Variants in ABCC4 observed in about 807,000 individuals in gnomAD.
ABCC4 encodes the protein ATP-binding cassette sub-family C member 4.
Under a neutral mutation model 168.5 loss-of-function variants are expected in ABCC4, and 102 were observed. That is an observed-to-expected ratio of 0.61 (90% confidence interval 0.52 to 0.71). The LOEUF is 0.71. Ranked by LOEUF, ABCC4 falls within the 30% of genes least tolerant of loss-of-function variation. The probability of loss-of-function intolerance (pLI) is 0.00; values close to 1 mark genes in which losing one functional copy is unlikely to be tolerated. For missense variants in ABCC4, 1,402 were observed against 1,605.8 expected, an observed-to-expected ratio of 0.87 and a Z score of 2.17; for synonymous variants, 617 against 590.7, an observed-to-expected ratio of 1.04 and a Z score of -0.65.
chr13:95,212,280 G>A (rs188595317), intron 4 of ABCC4, among the ~76,000 whole-genome samples: 2 of 150,766 alleles, frequency 1.3e-5, no homozygotes, highest in South Asian at 2.1e-4. Context: ...GGGAAGGAGA[G>A]AGACCAGCCC....
Position 95,118,110 on chromosome 13 carries a change from T to C in ABCC4, c.2456-2109A>G, listed in dbSNP as rs147385814. 9.7e-3 allele frequency among the ~76,000 whole-genome samples: 1,471 copies of C among 152,242 alleles called. 18 individuals carry two copies. Among genetic ancestry groups the C allele is most frequent in the African/African-American group, 0.033 (1,389 of 41,538 alleles). ...CACACAGCTACGCCAATAACTGAAC[T>C]GAATGTCAAAGATCAGCTGAAATCA... On this transcript the variant is annotated intron_variant, in intron 19 of 30. Transcript: ENST00000645237.
intron 20 of ABCC4, among the ~76,000 whole-genome samples, chr13:95,084,690 G>A (rs1390116933): frequency 6.6e-6 from 1 of 152,002 alleles, no homozygotes; most frequent in African/African-American, 2.4e-5. Context: ...CCACGATTAG[G>A]AGAGTATTTC....
intron 20 of ABCC4, among the ~76,000 whole-genome samples, chr13:95,087,380 G>A (rs1054850012): frequency 1.3e-5 from 2 of 152,114 alleles, no homozygotes; most frequent in South Asian, 4.1e-4. Context: ...TTAGCTGGGC[G>A]TGGTGGTGCA....
chr13:95,029,216 A>ATC (rs2031734697), intron 30 of ABCC4, among the ~76,000 whole-genome samples: 1 of 4,602 alleles, frequency 2.2e-4, no homozygotes, highest in African/African-American at 4.8e-4. Context: ...ATATATATAG[A>ATC]GAGAGAGAGA....
chr13:95,043,652 C>CA lies in ABCC4; in HGVS notation c.3735+29dup, dbSNP rs1430171800. 5.9e-6 allele frequency: 9 copies of CA among 1,537,870 alleles called. No homozygotes were observed. The East Asian group carries it at 2.0e-4, about 35-fold the overall frequency. Reference sequence around the variant, plus strand: ...CTGAAAAAGTGAACATAATTGGGAGCAACAGGAATTCCGCAGGTGAAGGAC... The same window carrying CA: ...CTGAAAAAGTGAACATAATTGGGAGCAAACAGGAATTCCGCAGGTGAAGGAC... On this transcript the variant is annotated intron_variant, in intron 29 of 30. Coordinates refer to ENST00000645237, the MANE Select transcript of ABCC4 (RefSeq NM_005845.5).
intron 4 of ABCC4, among the ~76,000 whole-genome samples, chr13:95,232,539 T>C (rs2039652471): frequency 6.6e-6 from 1 of 151,896 alleles, no homozygotes; most frequent in Admixed American, 6.6e-5. Context: ...TAGCTGGGTG[T>C]GGTGGCCCAT....
intron 29 of ABCC4, among the ~76,000 whole-genome samples, chr13:95,037,329 C>A (rs762877789): frequency 1.3e-5 from 2 of 152,156 alleles, no homozygotes; most frequent in Non-Finnish European, 2.9e-5. Context: ...TCTGCTTTTA[C>A]AGTCATCCCA....
At chr13:95,125,853 T>C (rs1023362204) in intron 19 of ABCC4, among the ~76,000 whole-genome samples, 1 of 152,292 alleles carries the variant, frequency 6.6e-6, no homozygotes, top group Admixed American at 6.5e-5. Context: ...CCTTTACCCA[T>C]GGATCTCAAG....
intron 19 of ABCC4, among the ~76,000 whole-genome samples, chr13:95,159,472 A>G (rs997819219): frequency 2.6e-5 from 4 of 151,780 alleles, no homozygotes; most frequent in African/African-American, 9.7e-5. Context: ...TCCAAGATTT[A>G]GACTGGGTCC....
At chr13:95,231,159 A>G (rs1253107661) in intron 4 of ABCC4, among the ~76,000 whole-genome samples, 1 of 152,216 alleles carries the variant, frequency 6.6e-6, no homozygotes, top group Non-Finnish European at 1.5e-5. Context: ...ATGGGTACAG[A>G]GTTTCCACCT....
At chr13:95,087,434 G>A (rs1203751236) in intron 20 of ABCC4, among the ~76,000 whole-genome samples, 1 of 152,086 alleles carries the variant, frequency 6.6e-6, no homozygotes, top group Admixed American at 6.5e-5. Flanking sequence ...CTTGCAGTGA[G>A]CCGAGATCAT....
At chr13:95,208,517 C>A (rs2038850493) in intron 6 of ABCC4, among the ~76,000 whole-genome samples, 1 of 151,766 alleles carries the variant, frequency 6.6e-6, no homozygotes, top group South Asian at 2.1e-4. Flanking sequence ...CAGCTGACAA[C>A]CTTGACAATG....
At chr13:95,040,863 G>A (rs557585123) in intron 29 of ABCC4, among the ~76,000 whole-genome samples, 3 of 152,164 alleles carry the variant, frequency 2.0e-5, no homozygotes, top group Non-Finnish European at 2.9e-5. Context: ...AAAGAAAAGA[G>A]CTACAATCTG....
At chr13:95,173,678 T>C (rs1193461693) in intron 13 of ABCC4, among the ~76,000 whole-genome samples, 1 of 152,100 alleles carries the variant, frequency 6.6e-6, no homozygotes, top group African/African-American at 2.4e-5. Context: ...AGCTTAAAAG[T>C]AGGGGAGTCC....
chr13:95,233,319 T>TAA (rs200364087), intron 4 of ABCC4, among the ~76,000 whole-genome samples: 128,229 of 146,850 alleles, frequency 0.87, 57,507 homozygotes, highest in South Asian at 0.98. Flanking sequence ...AGTGCACCCA[T>TAA]AAAAAAAAAA....
In ABCC4 at chr13:95,029,928, C is replaced by T. The variant is rs538592915; in HGVS notation, c.3870+4677G>A. Among the ~76,000 whole-genome samples the T allele has an allele frequency of 9.2e-5, 14 of 152,252 alleles. No individual in the cohort carries two copies. The South Asian group carries it at 2.9e-3, about 32-fold the overall frequency. On this transcript the variant is annotated intron_variant, in intron 30 of 30. Coordinates refer to ENST00000645237, the MANE Select transcript of ABCC4 (RefSeq NM_005845.5). ...GCCATTGGCTGCTAAGTGTCTCCTC[C>T]ACCTATTCAAACAGGCCCCAGGCTC... is the stretch of plus-strand genomic sequence containing the variant.
intron 19 of ABCC4, among the ~76,000 whole-genome samples, chr13:95,125,460 C>T (rs922263488): frequency 6.6e-6 from 1 of 152,104 alleles, no homozygotes; most frequent in Admixed American, 6.6e-5. Flanking sequence ...TAAAGTAAAA[C>T]ATTTAAAATA....
intron 27 of ABCC4, among the ~76,000 whole-genome samples, chr13:95,046,435 GTCA>G (rs1439770528): frequency 2.6e-5 from 4 of 152,148 alleles, no homozygotes; most frequent in African/African-American, 9.7e-5. Flanking sequence ...CTGAGACTCT[GTCA>G]TCATGATTGA....
At chr13:95,271,419 T>C (rs1462702159) in intron 1 of ABCC4, among the ~76,000 whole-genome samples, 1 of 152,132 alleles carries the variant, frequency 6.6e-6, no homozygotes. Context: ...CACGCTGGCC[T>C]TTGGTTCGCA....
Sources: allele counts gnomAD v4.1 joint callset (sites outside exome capture counted in the v4.1 genomes callset), GRCh38; gene constraint gnomAD v4.1.1; transcripts MANE v1.5; gene names NCBI Gene and HGNC (gene_info 2026-07-23, HGNC 2026-07-21).